CD44: variants seen among roughly 807,000 people sequenced by gnomAD.
The protein encoded by CD44 is CD44 molecule (IN blood group).
In CD44, 49 loss-of-function variants were observed where a neutral mutation model predicts 88.8. The observed-to-expected ratio is 0.55, with a 90% CI of 0.44 to 0.70. The LOEUF (loss-of-function observed/expected upper bound fraction) is 0.70. Among genes scored for constraint, CD44 ranks in the 30% least tolerant of loss-of-function variants. The pLI, the probability that CD44 is intolerant of heterozygous loss-of-function variation, is 0.00. For synonymous variants in CD44, 325 were observed against 312.3 expected, an observed-to-expected ratio of 1.04 and a Z score of -0.43; for missense variants, 883 against 913.8, an observed-to-expected ratio of 0.97 and a Z score of 0.43.
At chr11:35,175,220 C>G (rs1944328714) in intron 1 of CD44, among the ~76,000 whole-genome samples, 1 of 152,148 alleles carries the variant, frequency 6.6e-6, no homozygotes, top group Non-Finnish European at 1.5e-5. Flanking sequence ...GCAGAGCAAG[C>G]TACTTTGAGG....
chr11:35,192,242 A>G (rs544805252), intron 5 of CD44, among the ~76,000 whole-genome samples: 1 of 152,360 alleles, frequency 6.6e-6, no homozygotes, highest in East Asian at 1.9e-4. Context: ...CTGAAGTACT[A>G]TAGGACCCAA....
At chr11:35,190,716 T>C (rs1220245303) in intron 5 of CD44, among the ~76,000 whole-genome samples, 2 of 152,240 alleles carry the variant, frequency 1.3e-5, no homozygotes, top group East Asian at 3.8e-4. Flanking sequence ...CCAACGATAA[T>C]TTACTCAACA....
intron 1 of CD44, among the ~76,000 whole-genome samples, chr11:35,146,079 A>T (rs1358618799): frequency 6.6e-6 from 1 of 152,120 alleles, no homozygotes; most frequent in Non-Finnish European, 1.5e-5. Context: ...GTGGGGAACG[A>T]TGGAAACTCA....
rs543553572 is a variant in CD44 at position 35,215,880 on chromosome 11, C to A, written c.1873+966C>A. Among the ~76,000 whole-genome samples the A allele has an allele frequency of 2.1e-4, 32 of 150,084 alleles. 1 individual carries two copies. Among genetic ancestry groups the A allele is most frequent in the African/African-American group, 2.7e-4 (11 of 40,744 alleles). ...GAGCAAGACTCTGTCTCAAAAAAAA[C>A]CAAAAAACAAAAAACAAAAAAACAG... is the stretch of plus-strand genomic sequence containing the variant. On this transcript the variant is annotated intron_variant, in intron 15 of 17. Coordinates refer to ENST00000428726, the MANE Select transcript of CD44 (RefSeq NM_000610.4).
chr11:35,198,002 C>A (rs1591204960), intron 6 of CD44, 119 bp from the exon 7 acceptor site: 1 of 1,041,078 alleles, frequency 9.6e-7, no homozygotes, highest in Non-Finnish European at 1.4e-6. Context: ...CAAGTCAACT[C>A]CCTCACTTTC....
intron 3 of CD44, among the ~76,000 whole-genome samples, chr11:35,181,968 TA>T (rs1224530815): frequency 1.1e-5 from 1 of 87,184 alleles, no homozygotes; most frequent in African/African-American, 4.5e-5. Flanking sequence ...TTTATATATA[TA>T]AATATTATAT....
chr11:35,199,950 T>G (rs1202400655), intron 7 of CD44, among the ~76,000 whole-genome samples: 6 of 149,678 alleles, frequency 4.0e-5, no homozygotes, highest in South Asian at 2.1e-4. Flanking sequence ...TTTTTTTTTT[T>G]TTTTTTTTTT....
chr11:35,190,046 A>G lies in CD44; in HGVS notation c.648A>G (p.Thr216=). The G allele has an allele frequency of 6.2e-7, 1 of 1,613,936 alleles. No individual in the cohort carries two copies. Among genetic ancestry groups the G allele is most frequent in the Non-Finnish European group, 8.5e-7 (1 of 1,179,764 alleles). The part of the protein sequence containing the change: ...DEDSPWITDS[T]DRIPATTLMS... ...ACAGTCCCTGGATCACCGACAGCAC[A>G]GACAGAATCCCTGCTACCAGTAAGG... Residue 216 remains threonine (T), a synonymous_variant, in exon 5 of 18, where the codon ACA becomes ACG. Coordinates refer to ENST00000428726, the MANE Select transcript of CD44 (RefSeq NM_000610.4).
At chr11:35,159,789 TG>T (rs1942363357) in intron 1 of CD44, among the ~76,000 whole-genome samples, 1 of 152,156 alleles carries the variant, frequency 6.6e-6, no homozygotes, top group South Asian at 2.1e-4. Flanking sequence ...TTTTATATGG[TG>T]GGGCTGGAAT....
rs896780808 is a variant in CD44 at position 35,141,191 on chromosome 11, C to T, written c.67+1821C>T. 4.6e-5 allele frequency among the ~76,000 whole-genome samples: 7 copies of T among 152,258 alleles called. No individual in the cohort carries two copies. The East Asian group carries it at 5.8e-4, about 13-fold the overall frequency. Reference sequence around the variant, plus strand: ...CAGGAGGAAAACTGATGCTTAGAGACGTTAAGTGACTTGCTGGCATTCACA... The same window carrying T: ...CAGGAGGAAAACTGATGCTTAGAGATGTTAAGTGACTTGCTGGCATTCACA... On this transcript the variant is annotated intron_variant, in intron 1 of 17. Coordinates refer to ENST00000428726, the MANE Select transcript of CD44 (RefSeq NM_000610.4).
chr11:35,219,173 G>A, intron 15 of CD44, 143 bp from the exon 16 acceptor site: 1 of 654,494 alleles, frequency 1.5e-6, no homozygotes, highest in Non-Finnish European at 2.8e-6. Context: ...TTTGTGTAAT[G>A]CTTTATAAAC....
Position 35,229,396 on chromosome 11 carries a change from G to A in CD44, c.*63G>A. Reference sequence around the variant, plus strand: ...AAACATAACCATTACAGGGAGCTGGGACACTTAACAGATGCAATGTGCTAC... The same window carrying A: ...AAACATAACCATTACAGGGAGCTGGAACACTTAACAGATGCAATGTGCTAC... On this transcript the variant is annotated 3_prime_UTR_variant, in exon 18 of 18. Coordinates refer to ENST00000428726, the MANE Select transcript of CD44 (RefSeq NM_000610.4). 2 of 1,016,014 alleles carry A rather than the reference G, an allele frequency of 2.0e-6. No homozygotes were observed. Among genetic ancestry groups the A allele is most frequent in the Non-Finnish European group, 3.0e-6 (2 of 659,424 alleles). 62.9% of individuals were successfully genotyped at this position (1,016,014 alleles called of 1,614,324 possible). A position where few individuals can be genotyped will look rare whatever the true frequency, so the allele number is the denominator to read the frequency against.
chr11:35,181,682 T>A (rs1450608188), intron 3 of CD44, among the ~76,000 whole-genome samples: 1 of 136,706 alleles, frequency 7.3e-6, no homozygotes, highest in African/African-American at 2.7e-5. Flanking sequence ...ATATATATAT[T>A]TATATATATA....
chr11:35,152,005 C>T (rs548045284), intron 1 of CD44, among the ~76,000 whole-genome samples: 2 of 152,334 alleles, frequency 1.3e-5, no homozygotes, highest in South Asian at 4.1e-4. Flanking sequence ...AAAAGTGATG[C>T]CTCACCCGTG....
At chr11:35,208,614 C>T (rs1948114643) in intron 12 of CD44, among the ~76,000 whole-genome samples, 2 of 152,230 alleles carry the variant, frequency 1.3e-5, no homozygotes, top group Non-Finnish European at 2.9e-5. Context: ...TGTAAAAAGA[C>T]ATTTTTGGGG....
chr11:35,152,772 T>C (rs960416814), intron 1 of CD44, among the ~76,000 whole-genome samples: 1 of 152,168 alleles, frequency 6.6e-6, no homozygotes, highest in Admixed American at 6.5e-5. Context: ...GGCTTCTTGG[T>C]TGTGCCACTT....
intron 1 of CD44, among the ~76,000 whole-genome samples, chr11:35,174,837 T>C (rs1300607356): frequency 6.6e-6 from 1 of 152,242 alleles, no homozygotes; most frequent in Non-Finnish European, 1.5e-5. Flanking sequence ...ATCTACTTTC[T>C]ATTGGGTACT....
intron 15 of CD44, among the ~76,000 whole-genome samples, chr11:35,217,552 A>G (rs1591317572): frequency 6.6e-6 from 1 of 152,350 alleles, no homozygotes; most frequent in East Asian, 1.9e-4. Context: ...GCCACTGTCA[A>G]CATAGGATAG....
At chr11:35,222,658 A>G in intron 17 of CD44, 1 of 847,518 alleles carries the variant, frequency 1.2e-6, no homozygotes, top group South Asian at 5.5e-5. Flanking sequence ...CTAGCAACAG[A>G]GGAAATGACC....
Sources: gnomAD v4.1 joint callset for allele counts (sites outside exome capture counted in the v4.1 genomes callset) on GRCh38, gnomAD v4.1.1 for gene constraint, MANE v1.5 for transcripts, NCBI Gene and HGNC (gene_info 2026-07-23, HGNC 2026-07-21) for gene names.